The following RABGAP1L variants were observed in gnomAD, a reference collection of about 807,000 sequenced individuals.
RABGAP1L encodes the protein rab GTPase-activating protein 1-like.
RABGAP1L carries 63 observed loss-of-function variants against 137.7 expected under a neutral mutation model. The ratio of observed to expected loss-of-function variants is 0.46; its 90% CI spans 0.37 to 0.56. The LOEUF (loss-of-function observed/expected upper bound fraction) is 0.56. Among genes scored for constraint, RABGAP1L ranks in the 20% least tolerant of loss-of-function variants. The pLI, the probability that RABGAP1L is intolerant of heterozygous loss-of-function variation, is 0.00. For missense variants in RABGAP1L, 1,095 were observed against 1,244.0 expected (o/e 0.88, Z 1.80); for synonymous variants, 431 against 433.7 (o/e 0.99, Z 0.08).
At chr1:174,735,042 C>T (rs371295337) in intron 17 of RABGAP1L, among the ~76,000 whole-genome samples, 12 of 149,982 alleles carry the variant, frequency 8.0e-5, no homozygotes, top group South Asian at 4.2e-4. Flanking sequence ...AGCTTACTGC[C>T]GCCTCAAATT....
Position 174,231,207 on chromosome 1 carries a change from A to C in RABGAP1L, c.394A>C (p.Asn132His). 6.2e-7 allele frequency: 1 copy of C among 1,613,916 alleles called. No individual in the cohort carries two copies. Among genetic ancestry groups the C allele is most frequent in the Non-Finnish European group, 8.5e-7 (1 of 1,179,876 alleles). ...GLPEEDSVLF[N>H]KLTYLGCMKV... ...ACCTGAAGAAGATAGTGTTTTATTT[A>C]ATAAACTGACCTACTTAGGATGTAT... Residue 132 changes from asparagine (N) to histidine (H), a missense_variant, in exon 4 of 26, where the codon AAT (asparagine) becomes CAT (histidine). Physicochemically the swap from Asn to His is moderately conservative, Grantham distance 68. This residue lies in a region of RABGAP1L where 356 missense variants were observed against 326.3 expected (regional missense o/e 1.09). Transcript: ENST00000681986.
At chr1:174,668,686 T>C (rs556864202) in intron 14 of RABGAP1L, among the ~76,000 whole-genome samples, 14 of 152,310 alleles carry the variant, frequency 9.2e-5, no homozygotes, top group Non-Finnish European at 1.3e-4. Context: ...GGAACATTCA[T>C]ACTGTTTTGA....
At chr1:174,784,012 T>G (rs12746461) in intron 18 of RABGAP1L, among the ~76,000 whole-genome samples, 3 of 11,278 alleles carry the variant, frequency 2.7e-4, no homozygotes, top group Non-Finnish European at 4.7e-4. Flanking sequence ...CTTCTTCTTC[T>G]TTTTTTTTTT....
intron 19 of RABGAP1L, among the ~76,000 whole-genome samples, chr1:174,862,423 T>C (rs752156325): frequency 3.0e-4 from 45 of 152,172 alleles, no homozygotes; most frequent in Admixed American, 7.2e-4. Context: ...AATTGGGGCA[T>C]TGGATCAGGA....
At chr1:174,529,569 G>GT (rs912890634) in intron 13 of RABGAP1L, among the ~76,000 whole-genome samples, 5 of 151,994 alleles carry the variant, frequency 3.3e-5, no homozygotes, top group African/African-American at 1.2e-4. Context: ...GGGCCTCAGA[G>GT]TTGCATACAC....
chr1:174,745,816 T>C (rs1683822571), intron 17 of RABGAP1L, among the ~76,000 whole-genome samples: 1 of 152,182 alleles, frequency 6.6e-6, no homozygotes, highest in Admixed American at 6.5e-5. Flanking sequence ...CCTAGGGTGG[T>C]ATGTTTTCTT....
chr1:174,822,193 G>A (rs549675025), intron 19 of RABGAP1L, among the ~76,000 whole-genome samples: 6 of 152,294 alleles, frequency 3.9e-5, no homozygotes, highest in Admixed American at 6.5e-5. Flanking sequence ...CCTGGGAGGC[G>A]GAAGTTGTGG....
chr1:174,722,138 G>T (rs1681590698), intron 17 of RABGAP1L, among the ~76,000 whole-genome samples: 1 of 151,856 alleles, frequency 6.6e-6, no homozygotes, highest in South Asian at 2.1e-4. Context: ...CACCATGTTG[G>T]CCAGGATGGT....
rs547832750 is a variant in RABGAP1L, at chr1:174,535,144, G to A, written c.1711-102231G>A. ...TGATCTGTTGCAGTTAAGACAATTT[G>A]CATGCATCTTTTAGGTATAGCTGTA... On this transcript the variant is annotated intron_variant, in intron 13 of 25. Transcript: ENST00000681986. Among the ~76,000 whole-genome samples, 302 of 152,218 alleles carry A rather than the reference G, an allele frequency of 2.0e-3. 1 individual carries two copies. The highest frequency in any genetic ancestry group is 6.9e-3 in the African/African-American group (285 of 41,532).
chr1:174,172,216 G>GTGTGTA (rs1491151406), intron 1 of RABGAP1L, among the ~76,000 whole-genome samples: 34 of 128,016 alleles, frequency 2.7e-4, no homozygotes, highest in African/African-American at 9.0e-4. Flanking sequence ...GTGTGTGTGT[G>GTGTGTA]TATATATGCC....
At chr1:174,567,518 G>T (rs1204509697) in intron 13 of RABGAP1L, among the ~76,000 whole-genome samples, 2 of 152,056 alleles carry the variant, frequency 1.3e-5, no homozygotes, top group Non-Finnish European at 2.9e-5. Flanking sequence ...TTGTTAGAGG[G>T]GAAATGAATT....
intron 18 of RABGAP1L, among the ~76,000 whole-genome samples, chr1:174,768,233 C>T (rs550098134): frequency 6.6e-6 from 1 of 152,326 alleles, no homozygotes; most frequent in East Asian, 1.9e-4. Context: ...CAGACATGAA[C>T]AGGACAGGAG....
chr1:174,351,454 G>T (rs928877957), intron 11 of RABGAP1L, among the ~76,000 whole-genome samples: 2 of 152,046 alleles, frequency 1.3e-5, no homozygotes, highest in Non-Finnish European at 2.9e-5. Flanking sequence ...ACTATCCTAA[G>T]ATTTTTTTTT....
At chr1:174,813,683 A>G (rs533738178) in intron 19 of RABGAP1L, among the ~76,000 whole-genome samples, 1 of 152,214 alleles carries the variant, frequency 6.6e-6, no homozygotes, top group Admixed American at 6.5e-5. Flanking sequence ...TGAAATGCAA[A>G]CTCTTTAAAG....
At chr1:174,545,710 T>A in intron 13 of RABGAP1L, 1 of 152,826 alleles carries the variant, frequency 6.5e-6, no homozygotes, top group Non-Finnish European at 1.5e-5. Context: ...TTTTTGGCCA[T>A]CTTGGAACCT....
intron 17 of RABGAP1L, among the ~76,000 whole-genome samples, chr1:174,716,817 A>T (rs1357653851): frequency 1.3e-5 from 2 of 152,168 alleles, no homozygotes; most frequent in South Asian, 2.1e-4. Context: ...CCTCTGGCTC[A>T]TTGACCTATT....
intron 13 of RABGAP1L, among the ~76,000 whole-genome samples, chr1:174,629,223 GT>G (rs545009903): frequency 7.0e-4 from 107 of 152,298 alleles, no homozygotes; most frequent in South Asian, 4.6e-3. Flanking sequence ...ACTCTCAACT[GT>G]TATGGGTAAT....
At chr1:174,188,475 A>G (rs1016845210) in intron 1 of RABGAP1L, among the ~76,000 whole-genome samples, 1 of 152,258 alleles carries the variant, frequency 6.6e-6, no homozygotes, top group African/African-American at 2.4e-5. Context: ...ATAATGTGAT[A>G]CGATAAATGC....
intron 13 of RABGAP1L, among the ~76,000 whole-genome samples, chr1:174,588,009 G>A (rs546660432): frequency 1.3e-5 from 2 of 151,758 alleles, no homozygotes; most frequent in African/African-American, 2.4e-5. Flanking sequence ...GACTACAGGC[G>A]TGCACAACCA....
Sources: allele counts gnomAD v4.1 joint callset (sites outside exome capture counted in the v4.1 genomes callset), GRCh38; gene constraint gnomAD v4.1.1; regional missense constraint gnomAD v4.1.1; transcripts MANE v1.5; gene names NCBI Gene and HGNC (gene_info 2026-07-23, HGNC 2026-07-21).